POLR3B: variants seen among roughly 807,000 people sequenced by gnomAD.
The protein encoded by POLR3B is RNA polymerase III subunit B, also known as DNA-directed RNA polymerase III subunit RPC2.
Under a neutral mutation model 147.4 loss-of-function variants are expected in POLR3B, and 96 were observed. That is an observed-to-expected ratio of 0.65 (90% CI 0.55 to 0.77). The LOEUF is 0.77. POLR3B is among the 30% of genes least tolerant of loss of function. The pLI, the probability that POLR3B is intolerant of heterozygous loss-of-function variation, is 0.00. For missense variants in POLR3B, 1,036 were observed against 1,413.5 expected, an observed-to-expected ratio of 0.73 and a Z score of 4.28; for synonymous variants, 461 against 485.9, an observed-to-expected ratio of 0.95 and a Z score of 0.67.
intron 20 of POLR3B, among the ~76,000 whole-genome samples, chr12:106,455,607 A>G (rs1425905500): frequency 6.6e-6 from 1 of 152,250 alleles, no homozygotes; most frequent in Non-Finnish European, 1.5e-5. Context: ...CTTTTAAGCT[A>G]TCACCTGTAA....
intron 23 of POLR3B, among the ~76,000 whole-genome samples, chr12:106,486,251 T>G (rs2137063289): frequency 7.8e-6 from 1 of 127,432 alleles, no homozygotes; most frequent in South Asian, 2.5e-4. Flanking sequence ...ATTGGGCCAC[T>G]GCACTCCAGC....
chr12:106,394,484 G>A (rs2036955569), intron 10 of POLR3B, among the ~76,000 whole-genome samples: 1 of 152,220 alleles, frequency 6.6e-6, no homozygotes, highest in Non-Finnish European at 1.5e-5. Flanking sequence ...GGAATATTTG[G>A]TTCCATTTTG....
intron 6 of POLR3B, among the ~76,000 whole-genome samples, chr12:106,376,138 AC>A (rs1342890708): frequency 2.6e-5 from 4 of 152,102 alleles, no homozygotes; most frequent in African/African-American, 9.7e-5. Flanking sequence ...GAGCCACTGC[AC>A]CCAGCCTGAG....
chr12:106,501,592 TA>T (rs2038602753), intron 26 of POLR3B, among the ~76,000 whole-genome samples, 156 bp downstream of exon 26: 1 of 152,190 alleles, frequency 6.6e-6, no homozygotes, highest in African/African-American at 2.4e-5. Context: ...TATGTATGAT[TA>T]AAATGAAAAA....
In POLR3B at chr12:106,485,201, G is replaced by A. The variant is rs535228829; in HGVS notation, c.2714-10854G>A. On this transcript the variant is annotated intron_variant, in intron 23 of 27. Transcript: ENST00000228347. ...TCATCCCGTGGCAGACAGGCAGAGG[G>A]GCAGGAGAGCTTGCTTTTATAACCA... is the stretch of plus-strand genomic sequence containing the variant. 1.4e-3 allele frequency among the ~76,000 whole-genome samples: 210 copies of A among 152,256 alleles called. 1 individual carries two copies. The highest frequency in any genetic ancestry group is 3.4e-3 in the Middle Eastern group (1 of 294).
chr12:106,376,251 A>G (rs2036676866), intron 6 of POLR3B, 108 bp from the exon 7 acceptor site: 5 of 765,960 alleles, frequency 6.5e-6, no homozygotes, highest in Admixed American at 5.6e-5. Context: ...AACATGGTGC[A>G]TAGATAGACC....
intron 18 of POLR3B, among the ~76,000 whole-genome samples, chr12:106,442,595 C>T (rs949483742): frequency 6.6e-6 from 1 of 152,020 alleles, no homozygotes; most frequent in African/African-American, 2.4e-5. Flanking sequence ...CTTTCTCTCA[C>T]CAAACTAGGG....
At chr12:106,364,004 G>T (rs914510226) in intron 2 of POLR3B, 102 bp downstream of exon 2, 1 of 842,096 alleles carries the variant, frequency 1.2e-6, no homozygotes, top group South Asian at 1.4e-5. Flanking sequence ...AACATTTTTT[G>T]ATTTTGTATA....
intron 23 of POLR3B, among the ~76,000 whole-genome samples, chr12:106,495,657 CTT>C (rs1422857440): frequency 6.6e-6 from 1 of 152,226 alleles, no homozygotes; most frequent in African/African-American, 2.4e-5. Context: ...ATTCCTATAA[CTT>C]GGGTGTAGAA....
chr12:106,376,348 A>G lies in POLR3B; in HGVS notation c.405-11A>G. The G allele has an allele frequency of 6.3e-7, 1 of 1,594,394 alleles. No individual in the cohort carries two copies. Among genetic ancestry groups the G allele is most frequent in the Non-Finnish European group, 8.6e-7 (1 of 1,164,650 alleles). ...TACATGTGATATTTTCTTTTGTTTT[A>G]TTTTATACAGAATGCCCATAATGCT... On this transcript the variant is annotated splice_polypyrimidine_tract_variant and intron_variant, in intron 6 of 27. Coordinates refer to ENST00000228347, the MANE Select transcript of POLR3B (RefSeq NM_018082.6).
chr12:106,496,744 T>A lies in POLR3B; in HGVS notation c.2818-8T>A, dbSNP rs1256384913. On this transcript the variant is annotated splice_region_variant and splice_polypyrimidine_tract_variant and intron_variant, in intron 24 of 27. Transcript: ENST00000228347. ...GAGGTGCTCACTTAATTTGTTCACA[T>A]CCTGCAGGTGGGGAAGCTCATTGAG... The A allele has an allele frequency of 6.2e-7, 1 of 1,613,864 alleles. No individual in the cohort carries two copies. Among genetic ancestry groups the A allele is most frequent in the Non-Finnish European group, 8.5e-7 (1 of 1,179,894 alleles).
intron 6 of POLR3B, among the ~76,000 whole-genome samples, chr12:106,370,200 C>T (rs1238775599): frequency 6.6e-6 from 1 of 152,168 alleles, no homozygotes; most frequent in East Asian, 1.9e-4. Flanking sequence ...AATAATGGTA[C>T]TAGACTTTAA....
rs267608688 is a variant in POLR3B at position 106,433,739 on chromosome 12, C to T, written c.1648C>T (p.Arg550Ter). ...FLNGNILGVIRDHKKLVNTFR... is the reference protein window; with the variant it reads ...FLNGNILGVI Reference sequence around the variant, plus strand: ...CCTAGGTAACATCTTAGGTGTCATTCGAGACCACAAAAAGCTAGTGAATAC... The same window carrying T: ...CCTAGGTAACATCTTAGGTGTCATTTGAGACCACAAAAAGCTAGTGAATAC... Residue 550 changes from arginine (R) to a stop codon, truncating the protein, a stop_gained, in exon 16 of 28, where the codon CGA becomes TGA. Transcript: ENST00000228347. LOFTEE classifies it high-confidence loss of function. 22 of 1,613,128 alleles carry T rather than the reference C, an allele frequency of 1.4e-5. No individual in the cohort carries two copies. The highest frequency in any genetic ancestry group is 4.5e-5 in the East Asian group (2 of 44,852).
rs373822144 is a variant in POLR3B at position 106,504,108 on chromosome 12, T to G, written c.3126T>G (p.Asp1042Glu). ...AACCCACTGAAGGACGGTCTCGTGATGGTGGCTTGCGTCTCGGGGAAATGG... is the reference window on the plus strand; with the variant it reads ...AACCCACTGAAGGACGGTCTCGTGAGGGTGGCTTGCGTCTCGGGGAAATGG... Reference protein sequence around the residue: ...TRQPTEGRSRDGGLRLGEMER... With the variant: ...TRQPTEGRSREGGLRLGEMER... Residue 1042 changes from aspartate (D) to glutamate (E), a missense_variant, in exon 27 of 28, where the codon GAT becomes GAG. Asp to Glu is a conservative substitution (Grantham distance 45). This residue lies in a region of POLR3B where 18 missense variants were observed against 73.4 expected (regional missense o/e 0.25). Transcript: ENST00000228347. The surrounding 1 kb of genome is among the most constrained non-coding windows in gnomAD (Gnocchi z 4.6). 148 of 1,614,096 alleles carry G rather than the reference T, an allele frequency of 9.2e-5. No individual in the cohort carries two copies. The highest frequency in any genetic ancestry group is 1.2e-4 in the Non-Finnish European group (143 of 1,180,024).
chr12:106,452,085 AG>A (rs1459599418), intron 19 of POLR3B, among the ~76,000 whole-genome samples: 1 of 152,240 alleles, frequency 6.6e-6, no homozygotes, highest in Non-Finnish European at 1.5e-5. Context: ...TGCTGCACAC[AG>A]GCAAGCCCTA....
chr12:106,492,084 A>G (rs1027612015), intron 23 of POLR3B, among the ~76,000 whole-genome samples: 1 of 152,210 alleles, frequency 6.6e-6, no homozygotes, highest in Admixed American at 6.5e-5. Context: ...TGTCTTCTGC[A>G]GTTGCCATTT....
chr12:106,448,374 CATAA>C (rs1024067337), intron 19 of POLR3B, among the ~76,000 whole-genome samples: 35 of 141,418 alleles, frequency 2.5e-4, no homozygotes, highest in African/African-American at 9.0e-4. Flanking sequence ...TAATATTGGT[CATAA>C]ATAATGTTGC....
At chr12:106,410,748 G>T (rs2037213610) in intron 11 of POLR3B, 78 bp from the exon 12 acceptor site, 11 of 1,138,202 alleles carry the variant, frequency 9.7e-6, no homozygotes, top group Non-Finnish European at 1.5e-5. Context: ...GAATGTTATA[G>T]TATTGATACT....
chr12:106,383,705 C>T lies in POLR3B; in HGVS notation c.723+3566C>T, dbSNP rs766576041. Among the ~76,000 whole-genome samples, 38 of 152,132 alleles carry T rather than the reference C, an allele frequency of 2.5e-4. No homozygotes were observed. The Middle Eastern group carries it at 0.014, about 54-fold the overall frequency. Reference sequence around the variant, plus strand: ...CGTCAAAGAACACTGATTGGCCGGGCGCAATAGCTCACGCCTATAATCCCA... The same window carrying T: ...CGTCAAAGAACACTGATTGGCCGGGTGCAATAGCTCACGCCTATAATCCCA... On this transcript the variant is annotated intron_variant, in intron 9 of 27. Transcript: ENST00000228347.
Sources: allele counts gnomAD v4.1 joint callset (sites outside exome capture counted in the v4.1 genomes callset), GRCh38; gene constraint gnomAD v4.1.1; regional missense constraint gnomAD v4.1.1; non-coding constraint Gnocchi (gnomAD v3.1); transcripts MANE v1.5; gene names NCBI Gene and HGNC (gene_info 2026-07-23, HGNC 2026-07-21).